Variants in PRKCE observed in about 807,000 individuals in gnomAD.
PRKCE encodes protein kinase C epsilon type.
In PRKCE, 16 loss-of-function variants were observed where a neutral mutation model predicts 85.4. The ratio of observed to expected loss-of-function variants is 0.19; its 90% CI spans 0.13 to 0.28. The LOEUF (loss-of-function observed/expected upper bound fraction) is 0.28, where lower values mean the gene tolerates loss of function less well. Ranked by LOEUF, PRKCE falls within the 10% of genes least tolerant of loss-of-function variation. The pLI, the probability that PRKCE is intolerant of heterozygous loss-of-function variation, is 1.00. For missense variants in PRKCE, 573 were observed against 975.2 expected, an observed-to-expected ratio of 0.59 and a Z score of 5.49; for synonymous variants, 388 against 371.5, an observed-to-expected ratio of 1.04 and a Z score of -0.51.
chr2:45,666,761 C>T (rs912336961), intron 1 of PRKCE, among the ~76,000 whole-genome samples: 3 of 152,190 alleles, frequency 2.0e-5, no homozygotes, highest in East Asian at 3.9e-4. Context: ...GAGGTCTGTT[C>T]CTGAGGGTAA....
intron 1 of PRKCE, among the ~76,000 whole-genome samples, chr2:45,668,403 T>C (rs942279823): frequency 2.0e-5 from 3 of 152,168 alleles, no homozygotes; most frequent in Non-Finnish European, 4.4e-5. Context: ...AAATTGTGGA[T>C]GATGTGGTTT....
chr2:45,720,525 C>T (rs1233750255), intron 1 of PRKCE, among the ~76,000 whole-genome samples: 2 of 152,060 alleles, frequency 1.3e-5, no homozygotes, highest in African/African-American at 4.8e-5. Context: ...TTAGATATGT[C>T]GCTGCCCACC....
Position 46,000,692 on chromosome 2 carries a change from G to A in PRKCE, c.824-712G>A, listed in dbSNP as rs75357782. 7.8e-3 allele frequency among the ~76,000 whole-genome samples: 1,181 copies of A among 152,038 alleles called. 15 individuals are homozygous for A. The highest frequency in any genetic ancestry group is 0.014 in the Non-Finnish European group (945 of 67,998). On this transcript the variant is annotated intron_variant, in intron 6 of 14. Transcript: ENST00000306156. The stretch of plus-strand genomic sequence containing the variant: ...ATGTACAAAAGTCTATCAACTCAAC[G>A]ACTGGGTCCCCCTTAGAGTTTTTGA...
At chr2:46,148,713 A>G (rs1231481498) in intron 12 of PRKCE, among the ~76,000 whole-genome samples, 1 of 152,230 alleles carries the variant, frequency 6.6e-6, no homozygotes, top group African/African-American at 2.4e-5. Flanking sequence ...ACCCTCTGGT[A>G]CCTTATAGTT....
At position 45,915,738 on chromosome 2, in the gene PRKCE, C is replaced by A. The variant is rs561853342; in HGVS notation, c.413-60691C>A. ...CCTTGTTTTGGTGCTGGTTGATTCA[C>A]ATGTGCCCTTGGTCTCATGTACAGA... On this transcript the variant is annotated intron_variant, in intron 2 of 14. Coordinates refer to ENST00000306156, the MANE Select transcript of PRKCE (RefSeq NM_005400.3). Among the ~76,000 whole-genome samples, 103 of 152,314 alleles carry A rather than the reference C, an allele frequency of 6.8e-4. 2 individuals are homozygous for A. In the South Asian group the frequency reaches 0.021, roughly 31 times the overall value.
chr2:45,747,954 G>A (rs1166890149), intron 1 of PRKCE, among the ~76,000 whole-genome samples: 1 of 151,888 alleles, frequency 6.6e-6, no homozygotes, highest in Admixed American at 6.6e-5. Flanking sequence ...GTGCTTACTG[G>A]CCACCTGTAT....
At chr2:45,893,008 A>T (rs914966487) in intron 2 of PRKCE, among the ~76,000 whole-genome samples, 3 of 152,190 alleles carry the variant, frequency 2.0e-5, no homozygotes, top group Non-Finnish European at 4.4e-5. Flanking sequence ...CCATTGCCTC[A>T]TTCCGCTGCA....
At chr2:46,074,508 A>G (rs1031883926) in intron 10 of PRKCE, among the ~76,000 whole-genome samples, 1 of 152,110 alleles carries the variant, frequency 6.6e-6, no homozygotes, top group African/African-American at 2.4e-5. Flanking sequence ...AGGAGCCACA[A>G]TGAAATGGTT....
At chr2:46,054,801 C>G (rs992377649) in intron 10 of PRKCE, among the ~76,000 whole-genome samples, 1 of 152,156 alleles carries the variant, frequency 6.6e-6, no homozygotes, top group Admixed American at 6.5e-5. Flanking sequence ...GCCCCACCCC[C>G]CATCCTGTGC....
At chr2:46,130,049 A>G (rs1469683365) in intron 11 of PRKCE, among the ~76,000 whole-genome samples, 1 of 152,194 alleles carries the variant, frequency 6.6e-6, no homozygotes, top group Non-Finnish European at 1.5e-5. Flanking sequence ...AGCACATGAA[A>G]ATAGCGAGTT....
chr2:45,897,377 A>G (rs1414463058), intron 2 of PRKCE, among the ~76,000 whole-genome samples: 2 of 152,214 alleles, frequency 1.3e-5, no homozygotes, highest in Non-Finnish European at 2.9e-5. Context: ...AGACGGCATC[A>G]TTGCGAACTT....
At chr2:45,828,484 C>G (rs544941311) in intron 1 of PRKCE, among the ~76,000 whole-genome samples, 1 of 152,354 alleles carries the variant, frequency 6.6e-6, no homozygotes, top group Admixed American at 6.5e-5. Context: ...ATACACTTGA[C>G]TACTTACCAC....
intron 10 of PRKCE, among the ~76,000 whole-genome samples, chr2:46,059,819 A>AAACAAC (rs375770528): frequency 3.3e-5 from 5 of 152,120 alleles, no homozygotes; most frequent in African/African-American, 1.2e-4. Flanking sequence ...TGTCTCTTTA[A>AAACAAC]AACAACAACA....
chr2:46,082,125 G>A (rs1212196562), intron 10 of PRKCE, among the ~76,000 whole-genome samples: 1 of 152,038 alleles, frequency 6.6e-6, no homozygotes. Flanking sequence ...GGAGGAAGCG[G>A]GGTGGGTTAC....
At chr2:45,991,270 G>A (rs957515784) in intron 6 of PRKCE, among the ~76,000 whole-genome samples, 2 of 151,940 alleles carry the variant, frequency 1.3e-5, no homozygotes, top group Non-Finnish European at 2.9e-5. Context: ...GCCTCCCAAC[G>A]TGCTGGGATT....
chr2:45,855,568 G>A (rs1000963661), intron 2 of PRKCE, among the ~76,000 whole-genome samples: 1 of 152,180 alleles, frequency 6.6e-6, no homozygotes, highest in Non-Finnish European at 1.5e-5. Context: ...CAGTGCATCG[G>A]TGTGTGTCTG....
intron 10 of PRKCE, among the ~76,000 whole-genome samples, chr2:46,034,454 C>T (rs1022961743): frequency 6.6e-5 from 10 of 152,180 alleles, no homozygotes; most frequent in African/African-American, 1.4e-4. Context: ...CTTCCTTGGT[C>T]GGAGTATCTT....
chr2:45,732,242 G>C (rs1277138441), intron 1 of PRKCE, among the ~76,000 whole-genome samples: 2 of 152,142 alleles, frequency 1.3e-5, no homozygotes, highest in African/African-American at 4.8e-5. Context: ...CGGGAGGCTA[G>C]GGACAGACAT....
At chr2:46,067,352 GT>G (rs1392589290) in intron 10 of PRKCE, among the ~76,000 whole-genome samples, 1 of 152,226 alleles carries the variant, frequency 6.6e-6, no homozygotes, top group African/African-American at 2.4e-5. Context: ...ACTTAAAGTA[GT>G]GGTTCAGAGT....
Sources: allele counts gnomAD v4.1 joint callset (sites outside exome capture counted in the v4.1 genomes callset), GRCh38; gene constraint gnomAD v4.1.1; transcripts MANE v1.5; gene names NCBI Gene and HGNC (gene_info 2026-07-23, HGNC 2026-07-21).